The following USP11 variants were observed in gnomAD, a reference collection of about 807,000 sequenced individuals.
USP11 encodes the protein ubiquitin specific peptidase 11, also known as ubiquitin carboxyl-terminal hydrolase 11.
USP11 carries 5 observed loss-of-function variants against 72.8 expected under a neutral mutation model. The observed-to-expected ratio is 0.07, with a 90% CI of 0.04 to 0.14. The LOEUF (loss-of-function observed/expected upper bound fraction) is 0.14. Ranked by LOEUF, USP11 falls within the 10% of genes least tolerant of loss-of-function variation. The probability of loss-of-function intolerance (pLI) is 1.00; values close to 1 mark genes in which losing one functional copy is unlikely to be tolerated. For missense variants in USP11, 480 were observed against 794.7 expected (o/e 0.60, Z 4.76); for synonymous variants, 368 against 326.5 (o/e 1.13, Z -1.37).
At chrX:47,247,028 A>T in intron 17 of USP11, 44 bp from the exon 18 acceptor site, 1 of 1,162,907 alleles carries the variant, frequency 8.6e-7, no homozygotes, top group East Asian at 3.0e-5. Flanking sequence ...CTCAAAAAAA[A>T]AAAAAAGAAA....
intron 1 of USP11, chrX:47,234,060 T>C (rs1338392689): frequency 8.9e-6 from 1 of 112,441 alleles, no homozygotes; most frequent in Non-Finnish European, 1.9e-5. Context: ...AAACAGTCCT[T>C]CTTGAAATTT....
chrX:47,247,861 C>T lies in USP11; in HGVS notation c.2694C>T (p.Gly898=). The T allele has an allele frequency of 1.7e-6, 2 of 1,207,620 alleles. No individual in the cohort carries two copies. The highest frequency in any genetic ancestry group is 2.2e-6 in the Non-Finnish European group (2 of 894,398). Residue 898 remains glycine (G), a synonymous_variant, in exon 21 of 21, where the codon GGC becomes GGT. Coordinates refer to ENST00000377107, the MANE Select transcript of USP11 (RefSeq NM_001371072.1). ...CGCGACGCCTGCTGTCCCCGGCCGG[C>T]TCATCTGGCGCCCCAGCCTCCCCTG... ...DVARRLLSPA[G]SSGAPASPAC...
At chrX:47,242,895 GAACCCGAGA>G (rs1378730947) in intron 12 of USP11, among the ~76,000 whole-genome samples, 175 bp downstream of exon 12, 2 of 112,091 alleles carry the variant, frequency 1.8e-5, no homozygotes, top group African/African-American at 3.2e-5. Context: ...AGAATCACTT[GAACCCGAGA>G]GGTTCAAGTG....
At position 47,237,327 on chromosome X, in the gene USP11, T is replaced by C. The variant is rs1396289416; in HGVS notation, c.177-1743T>C. On this transcript the variant is annotated intron_variant, in intron 1 of 20. Transcript: ENST00000377107. ...GTTTGTTTCCCTGGTGTGAGTGATA[T>C]GGGGCAGGGTCTGTGGGGGTCAGTG... Among the ~76,000 whole-genome samples, 3 of 110,660 alleles carry C rather than the reference T, an allele frequency of 2.7e-5. No homozygotes were observed. In the Admixed American group the frequency reaches 2.9e-4, roughly 11 times the overall value.
intron 19 of USP11, 69 bp from the exon 20 acceptor site, chrX:47,247,542 A>C: frequency 8.6e-7 from 1 of 1,161,601 alleles, no homozygotes; most frequent in African/African-American, 2.0e-5. Context: ...GGGAGGAGTG[A>C]CAAGAGTGAA....
At chrX:47,241,138 C>T in intron 7 of USP11, 139 bp from the exon 8 acceptor site, 3 of 676,290 alleles carry the variant, frequency 4.4e-6, no homozygotes, top group African/African-American at 2.2e-5. Context: ...CTCTCCCCTA[C>T]TCTCCTGCTC....
chrX:47,242,567 G>A, intron 11 of USP11, 45 bp downstream of exon 11: 1 of 1,207,247 alleles, frequency 8.3e-7, no homozygotes, highest in South Asian at 1.8e-5. Context: ...GGGCAAGGAG[G>A]CAGAAGGGCC....
intron 1 of USP11, chrX:47,233,442 A>G: frequency 9.4e-7 from 1 of 1,063,664 alleles, no homozygotes. Context: ...ACGCCTGAGA[A>G]CAAAATGGGG....
intron 1 of USP11, chrX:47,233,985 A>C (rs1210887181): frequency 8.9e-6 from 1 of 112,232 alleles, no homozygotes; most frequent in African/African-American, 3.2e-5. Context: ...TTTAGAATCA[A>C]GAAAAAGTCG....
At chrX:47,247,579 G>C in intron 19 of USP11, 32 bp from the exon 20 acceptor site, 16 of 1,203,860 alleles carry the variant, frequency 1.3e-5, no homozygotes, top group Non-Finnish European at 1.7e-5. Flanking sequence ...AGGCAGGAAG[G>C]GTAGGCGAGG....
In USP11 at chrX:47,233,134, G is replaced by A. The variant is rs201098564; in HGVS notation, c.91G>A (p.Glu31Lys). 2.5e-6 allele frequency: 3 copies of A among 1,198,044 alleles called. No individual in the cohort carries two copies. The highest frequency in any genetic ancestry group is 1.8e-5 in the African/African-American group (1 of 57,098). ...TGAGGATAGAGAGCCACAGCACGAG[G>A]AGCTGCCAGGCCTGGACAGCCAGTG... The part of the protein sequence containing the change: ...VTEDREPQHE[E>K]LPGLDSQWRQ... Residue 31 changes from glutamate to lysine, a missense_variant, in exon 1 of 21, where the codon GAG (glutamate) becomes AAG (lysine). Glu to Lys is a moderately conservative substitution (Grantham distance 56). Around this residue, in one of 5 missense-constraint regions of USP11, gnomAD observed 71 missense variants for 71.4 expected, o/e 0.99. Transcript: ENST00000377107.
At chrX:47,233,508 A>G (rs760776327) in intron 1 of USP11, 1 of 957,241 alleles carries the variant, frequency 1.0e-6, no homozygotes, top group Admixed American at 5.3e-5. Context: ...CTGCGTAGTG[A>G]AACTGCGTAG....
At chrX:47,239,699 G>A (rs2055392306) in intron 3 of USP11, 91 bp from the exon 4 acceptor site, 5 of 1,028,157 alleles carry the variant, frequency 4.9e-6, no homozygotes, top group South Asian at 2.0e-5. Flanking sequence ...TGCTATGTTT[G>A]TAAGGCAGAG....
chrX:47,246,578 TAGTA>T (rs945063903), intron 17 of USP11, among the ~76,000 whole-genome samples: 2 of 110,705 alleles, frequency 1.8e-5, no homozygotes, highest in Non-Finnish European at 3.8e-5. Flanking sequence ...ATACAAAAGA[TAGTA>T]AGCACTTGAC....
chrX:47,243,437 G>C lies in USP11; in HGVS notation c.1625G>C (p.Arg542Thr). 1 of 1,211,822 alleles carries C rather than the reference G, an allele frequency of 8.3e-7. No individual in the cohort carries two copies. Among genetic ancestry groups the C allele is most frequent in the Non-Finnish European group, 1.1e-6 (1 of 895,564 alleles). ...SGRIEAIEGS[R>T]EDIVVPVYLR... ...CGCATTGAGGCCATTGAGGGCTCAA[G>C]AGAGGACATCGTGGTTCCTGTCTAC... The change falls in exon 13 of 21, where the codon AGA becomes ACA. Residue 542 changes from arginine (R) to threonine (T), a missense_variant. By Grantham distance (71) the Arg-to-Thr change is moderately conservative. This residue lies in a region of USP11 where 314 missense variants were observed against 556.0 expected (regional missense o/e 0.56). Transcript: ENST00000377107.
chrX:47,247,750 C>T, intron 20 of USP11, 43 bp from the exon 21 acceptor site: 2 of 1,209,585 alleles, frequency 1.7e-6, no homozygotes, highest in Non-Finnish European at 2.2e-6. Context: ...ATTCCACCTC[C>T]CCACCCCCAC....
In USP11 at chrX:47,246,989, C is replaced by G; in HGVS notation, c.2271-83C>G. ...TGATCCGAGATCGCGCCACTGTACTCCAGCCTGGGCAACAGAGCGATTCTC... is the reference window on the plus strand; with the variant it reads ...TGATCCGAGATCGCGCCACTGTACTGCAGCCTGGGCAACAGAGCGATTCTC... On this transcript the variant is annotated intron_variant, in intron 17 of 20. Transcript: ENST00000377107. 7 of 1,103,271 alleles carry G rather than the reference C, an allele frequency of 6.3e-6. No individual in the cohort carries two copies. In the South Asian group the frequency reaches 6.8e-5, roughly 11 times the overall value. 90.9% of individuals were successfully genotyped at this position (1,103,271 alleles called of 1,213,427 possible).
At chrX:47,241,241 C>T in intron 7 of USP11, 36 bp from the exon 8 acceptor site, 1 of 1,170,793 alleles carries the variant, frequency 8.5e-7, no homozygotes, top group African/African-American at 1.8e-5. Flanking sequence ...TTCTGTCTCC[C>T]CTCTGCCTCA....
Position 47,247,036 on chromosome X carries a change from A to G in USP11, c.2271-36A>G, listed in dbSNP as rs759854309. On this transcript the variant is annotated intron_variant, in intron 17 of 20. Transcript: ENST00000377107. ...TCTCTGTCTCAAAAAAAAAAAAAAG[A>G]AAAAGTCCGTTTGCTGACTCGGGCT... 23 of 1,165,283 alleles carry G rather than the reference A, an allele frequency of 2.0e-5. No homozygotes were observed. In the East Asian group the frequency reaches 6.3e-4, roughly 32 times the overall value.
Sources: gnomAD v4.1 joint callset for allele counts (sites outside exome capture counted in the v4.1 genomes callset) on GRCh38, gnomAD v4.1.1 for gene constraint, gnomAD v4.1.1 regional missense constraint, MANE v1.5 for transcripts, NCBI Gene and HGNC (gene_info 2026-07-23, HGNC 2026-07-21) for gene names.